Variants in SYNPR observed in about 807,000 individuals in gnomAD.
SYNPR encodes synaptoporin.
Under a neutral mutation model 32.9 loss-of-function variants are expected in SYNPR, and 23 were observed. That is an observed-to-expected ratio of 0.70 (90% CI 0.50 to 0.99). The LOEUF is 0.99. SYNPR is among the 50% of genes least tolerant of loss of function. The pLI, the probability that SYNPR is intolerant of heterozygous loss-of-function variation, is 0.00. For synonymous variants in SYNPR, 146 were observed against 135.9 expected (o/e 1.07, Z -0.52); for missense variants, 318 against 349.3 (o/e 0.91, Z 0.71).
rs10559096 is a variant in SYNPR at position 63,403,441 on chromosome 3, T to TACACACACACAC, written c.85-77373_85-77362dup. Among the ~76,000 whole-genome samples the TACACACACACAC allele has an allele frequency of 7.1e-3, 1,042 of 146,004 alleles. 10 individuals carry two copies. The highest frequency in any genetic ancestry group is 0.065 in the East Asian group (321 of 4,930). ...ACATTCTCATACGTATGTATACACA[T>TACACACACACAC]ACACACACACACACACACACACACA... On this transcript the variant is annotated intron_variant, in intron 2 of 5. Transcript: ENST00000478300.
intron 1 of SYNPR, among the ~76,000 whole-genome samples, chr3:63,246,234 A>C (rs1296499567): frequency 1.3e-5 from 2 of 152,136 alleles, no homozygotes; most frequent in Non-Finnish European, 2.9e-5. Context: ...TTGTTAAATT[A>C]GATTTCTTTA....
At chr3:63,522,037 G>A (rs551574955) in intron 3 of SYNPR, among the ~76,000 whole-genome samples, 1 of 152,190 alleles carries the variant, frequency 6.6e-6, no homozygotes, top group African/African-American at 2.4e-5. Flanking sequence ...AGGGACAAAG[G>A]ACATGTTTCT....
chr3:63,595,737 A>T (rs1459806191), intron 4 of SYNPR, among the ~76,000 whole-genome samples: 3 of 35,146 alleles, frequency 8.5e-5, no homozygotes, highest in African/African-American at 4.9e-4. Context: ...ATATATATAT[A>T]TATATATATA....
chr3:63,431,110 C>G (rs62251436), intron 2 of SYNPR, among the ~76,000 whole-genome samples: 21,887 of 152,182 alleles, frequency 0.14, 1,893 homozygotes, highest in African/African-American at 0.23. Context: ...ATTTCCTTAT[C>G]TGTATTTAAT....
intron 2 of SYNPR, among the ~76,000 whole-genome samples, chr3:63,280,648 TAGA>T: frequency 6.6e-6 from 1 of 152,190 alleles, no homozygotes; most frequent in African/African-American, 2.4e-5. Context: ...GAACTTCCAC[TAGA>T]TTTTTATTCA....
intron 2 of SYNPR, among the ~76,000 whole-genome samples, chr3:63,365,767 G>A (rs544395010): frequency 6.6e-6 from 1 of 152,304 alleles, no homozygotes; most frequent in African/African-American, 2.4e-5. Context: ...ATATACGTAT[G>A]TGCACGTGTG....
chr3:63,394,863 G>A (rs922612216), intron 2 of SYNPR, among the ~76,000 whole-genome samples: 3 of 152,054 alleles, frequency 2.0e-5, no homozygotes, highest in Non-Finnish European at 4.4e-5. Context: ...ACTACTAAAG[G>A]AATACTGAGT....
chr3:63,406,225 T>A (rs2088357697), intron 2 of SYNPR, among the ~76,000 whole-genome samples: 1 of 150,962 alleles, frequency 6.6e-6, no homozygotes, highest in South Asian at 2.1e-4. Context: ...AAAAGCCACC[T>A]ATGCCCTGTA....
chr3:63,431,242 GA>G, intron 2 of SYNPR, among the ~76,000 whole-genome samples: 1 of 152,326 alleles, frequency 6.6e-6, no homozygotes, highest in East Asian at 1.9e-4. Flanking sequence ...AGGAAGGACA[GA>G]GAAGAAAACA....
At chr3:63,224,887 T>C (rs936587721), upstream of SYNPR, among the ~76,000 whole-genome samples, 2 of 152,290 alleles carry the variant, frequency 1.3e-5, no homozygotes, top group African/African-American at 2.4e-5. Flanking sequence ...CTGGACGACA[T>C]AGCATATTCC....
chr3:63,504,733 G>A (rs1281303317), intron 3 of SYNPR, among the ~76,000 whole-genome samples: 1 of 152,022 alleles, frequency 6.6e-6, no homozygotes, highest in Admixed American at 6.6e-5. Context: ...AGAGAAAATG[G>A]GAGAGACTTC....
At chr3:63,292,037 T>C (rs62251350) in intron 2 of SYNPR, among the ~76,000 whole-genome samples, 18,592 of 152,178 alleles carry the variant, frequency 0.12, 1,254 homozygotes, top group Non-Finnish European at 0.16. Context: ...CTGTACAGCA[T>C]GTGACTGTAC....
Position 63,268,610 on chromosome 3 carries a change from C to A in SYNPR, n.287+1161C>A, listed in dbSNP as rs567797137. 1.8e-4 allele frequency among the ~76,000 whole-genome samples: 27 copies of A among 152,084 alleles called. No individual in the cohort carries two copies. The South Asian group carries it at 2.1e-3, about 12-fold the overall frequency. On this transcript the variant is annotated intron_variant and non_coding_transcript_variant, in intron 3 of 4. Coordinates refer to the SYNPR transcript ENST00000478456. ...GGGAAATACATTTACTATAAGTAGA[C>A]GTGGATCATCATAAAGGTTTTCATC...
chr3:63,402,419 T>A (rs912086773), intron 2 of SYNPR, among the ~76,000 whole-genome samples: 45 of 152,324 alleles, frequency 3.0e-4, no homozygotes, highest in African/African-American at 1.1e-3. Context: ...CAATATGAAT[T>A]CTAGTTCTTA....
At chr3:63,406,316 G>A (rs2088359197) in intron 2 of SYNPR, among the ~76,000 whole-genome samples, 1 of 152,028 alleles carries the variant, frequency 6.6e-6, no homozygotes, top group Non-Finnish European at 1.5e-5. Context: ...CTTGGGGTAA[G>A]AAATGTAAAA....
At chr3:63,446,066 G>A (rs1160813747) in intron 2 of SYNPR, among the ~76,000 whole-genome samples, 1 of 152,148 alleles carries the variant, frequency 6.6e-6, no homozygotes, top group African/African-American at 2.4e-5. Flanking sequence ...ATAAATCAAG[G>A]TAGTAGTTCT....
intron 3 of SYNPR, among the ~76,000 whole-genome samples, chr3:63,495,612 C>T (rs1368337726): frequency 2.0e-5 from 3 of 152,184 alleles, no homozygotes; most frequent in East Asian, 1.9e-4. Context: ...TTCCACTATT[C>T]TTCCACCGTC....
At chr3:63,251,638 A>G (rs188233257) in intron 1 of SYNPR, among the ~76,000 whole-genome samples, 1 of 152,272 alleles carries the variant, frequency 6.6e-6, no homozygotes, top group East Asian at 1.9e-4. Flanking sequence ...AGAGCAACGT[A>G]GACATATCAA....
chr3:63,429,413 T>C (rs968499955), intron 2 of SYNPR, among the ~76,000 whole-genome samples: 1 of 152,216 alleles, frequency 6.6e-6, no homozygotes, highest in Non-Finnish European at 1.5e-5. Flanking sequence ...CAATTATTCT[T>C]AGCACTTCTG....
Sources: allele counts gnomAD v4.1 joint callset (sites outside exome capture counted in the v4.1 genomes callset), GRCh38; gene constraint gnomAD v4.1.1; transcripts MANE v1.5; gene names NCBI Gene and HGNC (gene_info 2026-07-23, HGNC 2026-07-21).